DDX27: variants seen among roughly 807,000 people sequenced by gnomAD.
DDX27 encodes the protein probable ATP-dependent RNA helicase DDX27.
DDX27 carries 42 observed loss-of-function variants against 99.3 expected under a neutral mutation model. The ratio of observed to expected loss-of-function variants is 0.42; its 90% CI spans 0.33 to 0.55. The LOEUF (loss-of-function observed/expected upper bound fraction) is 0.55, where lower values mean the gene tolerates loss of function less well. Ranked by LOEUF, DDX27 falls within the 20% of genes least tolerant of loss-of-function variation. The probability of loss-of-function intolerance (pLI) is 0.07; values close to 1 mark genes in which losing one functional copy is unlikely to be tolerated. For synonymous variants in DDX27, 329 were observed against 353.8 expected (o/e 0.93, Z 0.79); for missense variants, 798 against 976.8 (o/e 0.82, Z 2.44).
chr20:49,231,650 A>G (rs1980115768), intron 9 of DDX27, among the ~76,000 whole-genome samples: 2 of 152,162 alleles, frequency 1.3e-5, no homozygotes, highest in Admixed American at 1.3e-4. Flanking sequence ...TATTATGTAT[A>G]AAGAGAAAGA....
intron 4 of DDX27, 154 bp from the exon 5 acceptor site, chr20:49,224,791 T>C: frequency 1.3e-6 from 1 of 750,802 alleles, no homozygotes; most frequent in East Asian, 2.6e-5. Context: ...TACTTCACCA[T>C]GCTGCCACAA....
At chr20:49,239,556 C>T (rs1279679751) in intron 16 of DDX27, among the ~76,000 whole-genome samples, 3 of 152,128 alleles carry the variant, frequency 2.0e-5, no homozygotes, top group Admixed American at 6.6e-5. Context: ...GCGCACTTCA[C>T]AATAGGGTTA....
rs778267690 is a variant in DDX27, at chr20:49,234,924, C to T, written c.1274-11C>T. The T allele has an allele frequency of 1.3e-6, 2 of 1,584,636 alleles. No individual in the cohort carries two copies. Among genetic ancestry groups the T allele is most frequent in the South Asian group, 1.1e-5 (1 of 87,202 alleles). On this transcript the variant is annotated splice_polypyrimidine_tract_variant and intron_variant, in intron 11 of 20. Coordinates refer to ENST00000618172, the MANE Select transcript of DDX27 (RefSeq NM_017895.8). ...GAAACAGCTGCCAGCTCAGTCCTCT[C>T]TTCCTGCCAGCTTTGTTGACGAGGA...
chr20:49,222,757 C>T (rs1029743075), intron 2 of DDX27, among the ~76,000 whole-genome samples, 200 bp from the exon 3 acceptor site: 1 of 152,058 alleles, frequency 6.6e-6, no homozygotes, highest in Non-Finnish European at 1.5e-5. Flanking sequence ...AGGTGATCTA[C>T]CCACCTCGGC....
At chr20:49,232,524 G>A (rs1980146200) in intron 9 of DDX27, among the ~76,000 whole-genome samples, 1 of 152,092 alleles carries the variant, frequency 6.6e-6, no homozygotes, top group Admixed American at 6.6e-5. Flanking sequence ...AGCACTTTGG[G>A]AGGCCAAGGC....
rs776794502 is a variant in DDX27, at chr20:49,243,710, C to A, written c.2279+7C>A. 5.0e-6 allele frequency: 8 copies of A among 1,613,994 alleles called. No homozygotes were observed. Among genetic ancestry groups the A allele is most frequent in the Non-Finnish European group, 8.5e-7 (1 of 1,179,986 alleles). ...ACTTTAAATCTAAATCCAGGTGATA[C>A]TGGCTGTTTTGGAGGGGCATAGGTT... is the stretch of plus-strand genomic sequence containing the variant. On this transcript the variant is annotated splice_region_variant and intron_variant, in intron 20 of 20. Coordinates refer to ENST00000618172, the MANE Select transcript of DDX27 (RefSeq NM_017895.8).
intron 6 of DDX27, among the ~76,000 whole-genome samples, chr20:49,225,453 CTTTTTTTTTTTT>C (rs772387461): frequency 9.3e-6 from 1 of 107,268 alleles, no homozygotes; most frequent in African/African-American, 3.6e-5. Flanking sequence ...AGAGAACTCC[CTTTTTTTTTTTT>C]TTTTTTTTGA....
At chr20:49,230,002 A>G (rs1036159910) in intron 8 of DDX27, among the ~76,000 whole-genome samples, 197 bp from the exon 9 acceptor site, 4 of 152,030 alleles carry the variant, frequency 2.6e-5, no homozygotes, top group Admixed American at 6.6e-5. Context: ...TGATTTTTGC[A>G]CTTAGCACAA....
At chr20:49,220,325 A>G (rs1019080754) in intron 1 of DDX27, among the ~76,000 whole-genome samples, 1 of 152,080 alleles carries the variant, frequency 6.6e-6, no homozygotes, top group Non-Finnish European at 1.5e-5. Flanking sequence ...GCCTCTCTCC[A>G]TTCACACTGT....
rs1568970342 is a variant in DDX27 at position 49,221,327 on chromosome 20, G to C, written c.94-125G>C. Reference sequence around the variant, plus strand: ...AGGCTGGTCTTGAACTCCTGACCTTGTCTGCGTGCCTTCGCCTCCTAAAGT... The same window carrying C: ...AGGCTGGTCTTGAACTCCTGACCTTCTCTGCGTGCCTTCGCCTCCTAAAGT... On this transcript the variant is annotated intron_variant, in intron 1 of 20. Transcript: ENST00000618172. The C allele has an allele frequency of 4.8e-6, 5 of 1,049,932 alleles. No individual in the cohort carries two copies. The East Asian group carries it at 1.3e-4, about 27-fold the overall frequency. 65.0% of individuals were successfully genotyped at this position (1,049,932 alleles called of 1,614,324 possible).
rs1169246657 is a variant in DDX27 at position 49,239,050 on chromosome 20, G to T, written c.1789G>T (p.Ala597Ser). 3.1e-6 allele frequency: 5 copies of T among 1,613,314 alleles called. No homozygotes were observed. The Admixed American group carries it at 8.3e-5, about 27-fold the overall frequency. ...GGAAAAAGAGATGCAGCAGTCAGAA[G>T]CCCAGGTGAGGCTGCGAGGCGGGAT... ...AEEKEMQQSE[A>S]QINTAKRLLE... Residue 597 changes from alanine to serine, a missense_variant, in exon 15 of 21, where the codon GCC (alanine) becomes TCC (serine). This residue lies in a region of DDX27 where 553 missense variants were observed against 727.9 expected (regional missense o/e 0.76). Transcript: ENST00000618172.
At chr20:49,228,435 TAA>T (rs1979976542) in intron 7 of DDX27, among the ~76,000 whole-genome samples, 1 of 151,668 alleles carries the variant, frequency 6.6e-6, no homozygotes, top group Non-Finnish European at 1.5e-5. Context: ...CATGCCCAGC[TAA>T]GTTTTTTGTA....
Position 49,228,821 on chromosome 20 carries a change from C to A in DDX27, c.813C>A (p.Gly271=), listed in dbSNP as rs1269680333. The A allele has an allele frequency of 3.1e-6, 5 of 1,612,932 alleles. No homozygotes were observed. The South Asian group carries it at 5.5e-5, about 18-fold the overall frequency. The change falls in exon 8 of 21, where the codon GGC becomes GGA. Residue 271 remains glycine, a synonymous_variant. Coordinates refer to ENST00000618172, the MANE Select transcript of DDX27 (RefSeq NM_017895.8). The part of the protein sequence containing the change: ...VLVLVPTREL[G]IQVHSVTRQL... ...TGCTAGTGCCCACCCGAGAGCTGGGCATCCAGGTGCACTCTGTCACCAGAC... is the reference window on the plus strand; with the variant it reads ...TGCTAGTGCCCACCCGAGAGCTGGGAATCCAGGTGCACTCTGTCACCAGAC...
chr20:49,232,092 G>A (rs1980133293), intron 9 of DDX27, among the ~76,000 whole-genome samples: 1 of 151,980 alleles, frequency 6.6e-6, no homozygotes, highest in African/African-American at 2.4e-5. Flanking sequence ...TCGCTATGTT[G>A]TCAAGGCTGG....
At chr20:49,230,498 T>A in intron 9 of DDX27, 149 bp downstream of exon 9, 1 of 865,636 alleles carries the variant, frequency 1.2e-6, no homozygotes, top group Non-Finnish European at 1.7e-6. Context: ...CTGGGGCCTC[T>A]GCCCAGCCTT....
At chr20:49,242,009 G>T (rs750906952) in intron 17 of DDX27, 22 bp downstream of exon 17, 31 of 1,613,874 alleles carry the variant, frequency 1.9e-5, no homozygotes, top group Non-Finnish European at 2.2e-5. Flanking sequence ...CCCTTTTGGA[G>T]TTTGGGCCCA....
chr20:49,228,148 CTT>C (rs112359462), intron 7 of DDX27, among the ~76,000 whole-genome samples: 1 of 134,366 alleles, frequency 7.4e-6, no homozygotes, highest in African/African-American at 2.8e-5. Context: ...TGTATTTTTT[CTT>C]TTTTTTTTTG....
intron 4 of DDX27, among the ~76,000 whole-genome samples, chr20:49,223,970 A>C (rs1321664919): frequency 6.6e-6 from 1 of 152,016 alleles, no homozygotes; most frequent in African/African-American, 2.4e-5. Flanking sequence ...GCTTGAACTC[A>C]CTGGCTTAAG....
chr20:49,241,839 G>T, intron 16 of DDX27, 54 bp from the exon 17 acceptor site: 1 of 1,583,346 alleles, frequency 6.3e-7, no homozygotes, highest in Non-Finnish European at 8.7e-7. Context: ...CTTATCGTAA[G>T]CTTAAAAAAA....
Sources: gnomAD v4.1 joint callset for allele counts (sites outside exome capture counted in the v4.1 genomes callset) on GRCh38, gnomAD v4.1.1 for gene constraint, gnomAD v4.1.1 regional missense constraint, MANE v1.5 for transcripts, NCBI Gene and HGNC (gene_info 2026-07-23, HGNC 2026-07-21) for gene names.